Variants in MACF1 observed in about 807,000 individuals in gnomAD.
The protein encoded by MACF1 is microtubule actin crosslinking factor 1.
MACF1 carries 193 observed loss-of-function variants against 854.8 expected under a neutral mutation model. The observed-to-expected ratio is 0.23, with a 90% CI of 0.20 to 0.25. The LOEUF (loss-of-function observed/expected upper bound fraction) is 0.25, where lower values mean the gene tolerates loss of function less well. Ranked by LOEUF, MACF1 falls within the 10% of genes least tolerant of loss-of-function variation. The probability of loss-of-function intolerance (pLI) is 1.00; values close to 1 mark genes in which losing one functional copy is unlikely to be tolerated. For missense variants in MACF1, 7,722 were observed against 8,929.1 expected (o/e 0.86, Z 5.45); for synonymous variants, 3,185 against 3,226.7 (o/e 0.99, Z 0.44).
intron 25 of MACF1, among the ~76,000 whole-genome samples, 199 bp downstream of exon 25, chr1:39,310,627 T>C (rs1272058354): frequency 1.3e-5 from 2 of 152,242 alleles, no homozygotes; most frequent in African/African-American, 4.8e-5. Flanking sequence ...ATTTCAGTCA[T>C]TACTGCTCAT....
chr1:39,413,193 C>T, intron 58 of MACF1: 1 of 1,613,548 alleles, frequency 6.2e-7, no homozygotes. Context: ...GGCCTGTCAC[C>T]CCAGCTACCA....
At chr1:39,123,709 C>CTTATTTTTTTTTTTTTTTTTTTTTTT (rs1376838861) in intron 2 of MACF1, among the ~76,000 whole-genome samples, 2 of 94,388 alleles carry the variant, frequency 2.1e-5, no homozygotes, top group African/African-American at 3.5e-5. Flanking sequence ...CCGGCTAATT[C>CTTATTTTTTTTTTTTTTTTTTTTTTT]TTGTTTTGTT....
At chr1:39,310,573 A>G (rs549881186) in intron 25 of MACF1, 145 bp downstream of exon 25, 39 of 922,790 alleles carry the variant, frequency 4.2e-5, no homozygotes, top group Non-Finnish European at 1.1e-5. Flanking sequence ...AGAAGAACTT[A>G]TAGATGAATT....
At chr1:39,263,601 C>T (rs899889155) in intron 6 of MACF1, among the ~76,000 whole-genome samples, 2 of 151,968 alleles carry the variant, frequency 1.3e-5, no homozygotes. Context: ...CCTCTCTGCT[C>T]CCCAGGTAAA....
intron 31 of MACF1, among the ~76,000 whole-genome samples, chr1:39,320,468 A>G (rs1026319364): frequency 6.6e-6 from 1 of 152,228 alleles, no homozygotes; most frequent in Admixed American, 6.5e-5. Context: ...ATTCTAAAAT[A>G]TGTTCCAATT....
At chr1:39,390,207 G>A (rs1569851499) in intron 58 of MACF1, among the ~76,000 whole-genome samples, 1 of 152,196 alleles carries the variant, frequency 6.6e-6, no homozygotes, top group Non-Finnish European at 1.5e-5. Flanking sequence ...CATCACTAGA[G>A]TTAATTATTC....
At position 39,424,036 on chromosome 1, in the gene MACF1, G is replaced by A. The variant is rs765492420; in HGVS notation, c.16158G>A (p.Gln5386=). The stretch of plus-strand genomic sequence containing the variant: ...CATTCTCTTTATAATAGTTGCTCCA[G>A]CGGCTCCTAGATGATCGAAAGGCCA... ...KAQIQEQKLL[Q]RLLDDRKATV... is the part of the protein sequence containing the mutation. Residue 5386 remains glutamine (Q), a synonymous_variant, in exon 61 of 101, where the codon CAG becomes CAA. Transcript: ENST00000564288. The A allele has an allele frequency of 1.9e-5, 31 of 1,610,488 alleles. No individual in the cohort carries two copies. Among genetic ancestry groups the A allele is most frequent in the Middle Eastern group, 1.6e-4 (1 of 6,076 alleles).
At chr1:39,129,469 T>C (rs539117728) in intron 2 of MACF1, among the ~76,000 whole-genome samples, 6 of 152,348 alleles carry the variant, frequency 3.9e-5, no homozygotes, top group Middle Eastern at 3.4e-3. Flanking sequence ...TTGCCATTTA[T>C]TTTCTTTGCT....
chr1:39,123,709 CTTGTTTTGT>C (rs1159631885), intron 2 of MACF1, among the ~76,000 whole-genome samples: 3 of 94,388 alleles, frequency 3.2e-5, no homozygotes, highest in Non-Finnish European at 4.3e-5. Flanking sequence ...CCGGCTAATT[CTTGTTTTGT>C]TTTTTTTTTT....
intron 72 of MACF1, among the ~76,000 whole-genome samples, chr1:39,440,744 G>A (rs180757278): frequency 1.3e-5 from 2 of 152,172 alleles, no homozygotes; most frequent in African/African-American, 4.8e-5. Context: ...GAGGCAGGAA[G>A]GGGTGAACCT....
chr1:39,307,884 C>CTT (rs1197227543), intron 23 of MACF1, among the ~76,000 whole-genome samples: 1 of 132,960 alleles, frequency 7.5e-6, no homozygotes, highest in Non-Finnish European at 1.6e-5. Flanking sequence ...GATTATTTCT[C>CTT]TTTTCTTTCT....
chr1:39,246,971 G>A (rs1644988294), intron 2 of MACF1, among the ~76,000 whole-genome samples: 1 of 149,302 alleles, frequency 6.7e-6, no homozygotes, highest in Non-Finnish European at 1.5e-5. Flanking sequence ...GTGTGATCTT[G>A]GCTCACTGCA....
At chr1:39,228,686 G>A (rs1644744657) in intron 1 of MACF1, among the ~76,000 whole-genome samples, 1 of 152,118 alleles carries the variant, frequency 6.6e-6, no homozygotes, top group South Asian at 2.1e-4. Context: ...ATGGAGTCTT[G>A]CCCTCTTGCC....
Position 39,447,556 on chromosome 1 carries a change from A to G in MACF1, c.19730A>G (p.Asn6577Ser). ...NIASPPSLIL[N>S]TVLSQIEEHK... ...GCTTCTCCACCAAGCCTGATTCTAA[A>G]TACTGTCCTTTCCCAGATAGAAGAG... is the stretch of plus-strand genomic sequence containing the variant. Residue 6577 changes from asparagine to serine, a missense_variant, in exon 81 of 101, where the codon AAT (asparagine) becomes AGT (serine). By Grantham distance (46) the Asn-to-Ser change is conservative (BLOSUM62 1). Coordinates refer to ENST00000564288, the MANE Select transcript of MACF1 (RefSeq NM_001394062.1). 1 of 1,614,200 alleles carries G rather than the reference A, an allele frequency of 6.2e-7. No homozygotes were observed. The highest frequency in any genetic ancestry group is 8.5e-7 in the Non-Finnish European group (1 of 1,180,030).
Position 39,332,612 on chromosome 1 carries a change from T to G in MACF1, c.6024T>G (p.Ile2008Met). 6.2e-7 allele frequency: 1 copy of G among 1,614,156 alleles called. No homozygotes were observed. The highest frequency in any genetic ancestry group is 8.5e-7 in the Non-Finnish European group (1 of 1,180,016). The change falls in exon 37 of 101, where the codon ATT (isoleucine) becomes ATG (methionine). Residue 2008 changes from isoleucine to methionine, a missense_variant. Coordinates refer to ENST00000564288, the MANE Select transcript of MACF1 (RefSeq NM_001394062.1). ...YQTSPPKVVE[I>M]GHQRQKTPEG... is the part of the protein sequence containing the mutation. Reference sequence around the variant, plus strand: ...CAAGTCCTCCAAAAGTGGTTGAAATTGGGCATCAAAGGCAAAAAACTCCTG... The same window carrying G: ...CAAGTCCTCCAAAAGTGGTTGAAATGGGGCATCAAAGGCAAAAAACTCCTG...
intron 2 of MACF1, among the ~76,000 whole-genome samples, chr1:39,135,667 C>T (rs1050778237): frequency 2.0e-5 from 3 of 152,154 alleles, no homozygotes; most frequent in Non-Finnish European, 4.4e-5. Context: ...GTTTTGCTTG[C>T]AAGACCTATT....
At chr1:39,421,868 A>G (rs1643549444) in intron 58 of MACF1, among the ~76,000 whole-genome samples, 1 of 152,116 alleles carries the variant, frequency 6.6e-6, no homozygotes, top group Non-Finnish European at 1.5e-5. Flanking sequence ...AGGTCAGGAG[A>G]TCGAGACCAT....
At chr1:39,106,888 C>T (rs1442113652) in intron 2 of MACF1, among the ~76,000 whole-genome samples, 1 of 149,550 alleles carries the variant, frequency 6.7e-6, no homozygotes, top group African/African-American at 2.5e-5. Flanking sequence ...GAAAAAAGAC[C>T]TACTAGGGTT....
chr1:39,353,076 G>A lies in MACF1; in HGVS notation c.11269G>A (p.Val3757Ile), dbSNP rs1262047429. The change falls in exon 44 of 101, where the codon GTA becomes ATA. Residue 3757 changes from valine to isoleucine, a missense_variant. Physicochemically the swap from Val to Ile is conservative, Grantham distance 29. Coordinates refer to ENST00000564288, the MANE Select transcript of MACF1 (RefSeq NM_001394062.1). ...IDALLDWVTS[V>I]GSSGGQLLTN... The stretch of plus-strand genomic sequence containing the variant: ...TGCTCTCCTGGATTGGGTAACTTCA[G>A]TAGGATCATCTGGTGGACAGCTGCT... 6.2e-7 allele frequency: 1 copy of A among 1,614,030 alleles called. No homozygotes were observed. Among genetic ancestry groups the A allele is most frequent in the African/African-American group, 1.3e-5 (1 of 74,916 alleles).
Sources: gnomAD v4.1 joint callset for allele counts (sites outside exome capture counted in the v4.1 genomes callset) on GRCh38, gnomAD v4.1.1 for gene constraint, MANE v1.5 for transcripts, NCBI Gene and HGNC (gene_info 2026-07-23, HGNC 2026-07-21) for gene names.